The following RIMBP2 variants were observed in gnomAD, a reference collection of about 807,000 sequenced individuals.
RIMBP2 encodes the protein RIMS binding protein 2, also known as RIMS-binding protein 2.
In RIMBP2, 48 loss-of-function variants were observed where a neutral mutation model predicts 118.6. The observed-to-expected ratio is 0.40, with a 90% CI of 0.32 to 0.51. The LOEUF is 0.51. RIMBP2 is among the 20% of genes least tolerant of loss of function. The pLI is 0.41. For synonymous variants in RIMBP2, 762 were observed against 742.9 expected (o/e 1.03, Z -0.42); for missense variants, 1,551 against 1,768.3 (o/e 0.88, Z 2.20).
At chr12:130,413,738 G>A (rs78061189) in intron 18 of RIMBP2, among the ~76,000 whole-genome samples, 1,544 of 151,756 alleles carry the variant, frequency 0.01, 25 homozygotes, top group African/African-American at 0.036. Context: ...GCCTCTAGCT[G>A]CTGATGCTCC....
intron 17 of RIMBP2, among the ~76,000 whole-genome samples, chr12:130,417,796 A>G (rs554628407): frequency 3.9e-5 from 6 of 152,274 alleles, no homozygotes; most frequent in Non-Finnish European, 8.8e-5. Context: ...ATGCATATAT[A>G]TACATGTGGA....
intron 4 of RIMBP2, among the ~76,000 whole-genome samples, chr12:130,482,391 G>C (rs2082089314): frequency 6.6e-6 from 1 of 152,256 alleles, no homozygotes; most frequent in Non-Finnish European, 1.5e-5. Context: ...ACACCCCAGA[G>C]TGGGGGCACA....
chr12:130,520,727 G>C (rs183945127), intron 2 of RIMBP2, among the ~76,000 whole-genome samples: 9 of 138,474 alleles, frequency 6.5e-5, no homozygotes, highest in Admixed American at 2.9e-4. Context: ...TGAAACTAAC[G>C]ACCCCCTACC....
chr12:130,612,513 A>G (rs1458587859), intron 2 of RIMBP2, among the ~76,000 whole-genome samples: 1 of 152,200 alleles, frequency 6.6e-6, no homozygotes, highest in Non-Finnish European at 1.5e-5. Flanking sequence ...TCCCCAGCCC[A>G]GCACCCAGTC....
chr12:130,649,076 C>T (rs966642509), intron 1 of RIMBP2, among the ~76,000 whole-genome samples: 3 of 145,938 alleles, frequency 2.1e-5, no homozygotes, highest in African/African-American at 4.9e-5. Context: ...GCAGATCTCC[C>T]GGCTTTTCCT....
intron 5 of RIMBP2, among the ~76,000 whole-genome samples, chr12:130,477,245 C>T (rs1460739689): frequency 6.6e-6 from 1 of 152,184 alleles, no homozygotes; most frequent in Non-Finnish European, 1.5e-5. Flanking sequence ...AGGTCATTCT[C>T]CTTGGCATCA....
At chr12:130,529,949 G>A (rs1430859900) in intron 2 of RIMBP2, among the ~76,000 whole-genome samples, 7 of 152,188 alleles carry the variant, frequency 4.6e-5, no homozygotes, top group Non-Finnish European at 5.9e-5. Flanking sequence ...ACCTCCTGCT[G>A]TGCAGCCCAG....
intron 4 of RIMBP2, among the ~76,000 whole-genome samples, chr12:130,496,886 CAG>C (rs1290690613): frequency 2.6e-5 from 4 of 152,308 alleles, no homozygotes; most frequent in East Asian, 3.9e-4. Context: ...GAGCAGAGTA[CAG>C]AGAGACTGGG....
chr12:130,625,898 A>G (rs920360982), intron 2 of RIMBP2, among the ~76,000 whole-genome samples: 1 of 152,182 alleles, frequency 6.6e-6, no homozygotes, highest in Non-Finnish European at 1.5e-5. Flanking sequence ...GAAAAAAATT[A>G]CAACTAATAA....
chr12:130,701,919 T>C (rs2136773993), intron 1 of RIMBP2, among the ~76,000 whole-genome samples: 1 of 152,192 alleles, frequency 6.6e-6, no homozygotes, highest in Admixed American at 6.5e-5. Context: ...CACACACGTA[T>C]GTTCTAGAAG....
intron 1 of RIMBP2, among the ~76,000 whole-genome samples, chr12:130,677,577 A>G (rs910525274): frequency 6.6e-6 from 1 of 152,170 alleles, no homozygotes; most frequent in Non-Finnish European, 1.5e-5. Context: ...GCAGTGAGCC[A>G]AGATCGCAAC....
At chr12:130,468,477 T>A (rs901993319) in intron 6 of RIMBP2, among the ~76,000 whole-genome samples, 1 of 151,714 alleles carries the variant, frequency 6.6e-6, no homozygotes, top group Non-Finnish European at 1.5e-5. Flanking sequence ...TGTCCAGAAG[T>A]GGGAAAGGCC....
chr12:130,576,609 G>A lies in RIMBP2; in HGVS notation c.-217+51713C>T, dbSNP rs1163349820. 3.9e-5 allele frequency among the ~76,000 whole-genome samples: 6 copies of A among 152,164 alleles called. No individual in the cohort carries two copies. The highest frequency in any genetic ancestry group is 9.7e-5 in the African/African-American group (4 of 41,448). On this transcript the variant is annotated intron_variant, in intron 2 of 22. Coordinates refer to ENST00000690449, the MANE Select transcript of RIMBP2 (RefSeq NM_001393629.1). The surrounding 1 kb of genome is among the most constrained non-coding windows in gnomAD (Gnocchi z 4.2). ...TCCCAGCCAAGTGGCTGGTAAACCC[G>A]AGCCTCCCTGGGTCTGGAAAATGGA... is the stretch of plus-strand genomic sequence containing the variant.
intron 2 of RIMBP2, among the ~76,000 whole-genome samples, chr12:130,618,559 G>C (rs1297095159): frequency 6.8e-6 from 1 of 146,930 alleles, no homozygotes; most frequent in Non-Finnish European, 1.5e-5. Flanking sequence ...CCAGGGGCTA[G>C]TGTATTTGCC....
At chr12:130,600,033 C>A (rs1379502075) in intron 2 of RIMBP2, among the ~76,000 whole-genome samples, 1 of 152,158 alleles carries the variant, frequency 6.6e-6, no homozygotes, top group African/African-American at 2.4e-5. Context: ...ACCTGGGAGC[C>A]CCCACTCTGC....
At chr12:130,661,629 G>T (rs1302426598) in intron 1 of RIMBP2, among the ~76,000 whole-genome samples, 1 of 152,178 alleles carries the variant, frequency 6.6e-6, no homozygotes, top group Admixed American at 6.5e-5. Context: ...GTGGCATAAA[G>T]CTTACGTAAC....
At position 130,431,459 on chromosome 12, in the gene RIMBP2, A is replaced by G. The variant is rs181321277; in HGVS notation, c.2254-3122T>C. The G allele has an allele frequency of 1.1e-4, 45 of 408,636 alleles. No homozygotes were observed. The East Asian group carries it at 1.4e-3, about 13-fold the overall frequency. 25.3% of individuals were successfully genotyped at this position (408,636 alleles called of 1,614,324 possible). On this transcript the variant is annotated intron_variant, in intron 14 of 22. Transcript: ENST00000690449. This position sits in a 1 kb window ranked among gnomAD's most constrained non-coding sequence, Gnocchi z 4.0. ...TAGCCAGACGCCATCTGTATGATTA[A>G]TGAATGTATTCTTTGAATTGAATCA...
At chr12:130,544,255 G>A (rs867778789) in intron 2 of RIMBP2, among the ~76,000 whole-genome samples, 6 of 152,108 alleles carry the variant, frequency 3.9e-5, no homozygotes, top group African/African-American at 9.7e-5. Flanking sequence ...CTGCAATATC[G>A]CTCTCCTCCC....
At chr12:130,561,658 T>C (rs2056831788) in intron 2 of RIMBP2, among the ~76,000 whole-genome samples, 1 of 152,186 alleles carries the variant, frequency 6.6e-6, no homozygotes, top group Non-Finnish European at 1.5e-5. Flanking sequence ...ATGTGGTCAT[T>C]TGCGGTAGCT....
Sources: gnomAD v4.1 joint callset for allele counts (sites outside exome capture counted in the v4.1 genomes callset) on GRCh38, gnomAD v4.1.1 for gene constraint, Gnocchi (gnomAD v3.1) non-coding constraint, MANE v1.5 for transcripts, NCBI Gene and HGNC (gene_info 2026-07-23, HGNC 2026-07-21) for gene names.